Variants in MYO10 observed in about 807,000 individuals in gnomAD.
MYO10 encodes unconventional myosin-X.
Under a neutral mutation model 257.3 loss-of-function variants are expected in MYO10, and 133 were observed. That is an observed-to-expected ratio of 0.52 (90% CI 0.45 to 0.60). The LOEUF (loss-of-function observed/expected upper bound fraction) is 0.60. Among genes scored for constraint, MYO10 ranks in the 20% least tolerant of loss-of-function variants. The pLI, the probability that MYO10 is intolerant of heterozygous loss-of-function variation, is 0.00. For synonymous variants in MYO10, 1,104 were observed against 1,028.6 expected (o/e 1.07, Z -1.40); for missense variants, 2,399 against 2,635.7 (o/e 0.91, Z 1.97).
intron 2 of MYO10, among the ~76,000 whole-genome samples, chr5:16,855,969 T>C (rs760109803): frequency 6.6e-6 from 1 of 152,136 alleles, no homozygotes; most frequent in Admixed American, 6.5e-5. Context: ...ATCTGTAACA[T>C]CCAAACAGCA....
At chr5:16,776,061 A>G (rs1334555729) in intron 9 of MYO10, among the ~76,000 whole-genome samples, 2 of 150,412 alleles carry the variant, frequency 1.3e-5, no homozygotes, top group African/African-American at 4.9e-5. Context: ...ACACCCGGCT[A>G]ATTTTTGTAT....
At chr5:16,789,448 C>A (rs1475132158) in intron 4 of MYO10, among the ~76,000 whole-genome samples, 2 of 152,126 alleles carry the variant, frequency 1.3e-5, no homozygotes, top group Non-Finnish European at 2.9e-5. Flanking sequence ...AAGGTCTTAG[C>A]AAGCCAAACA....
At chr5:16,747,239 C>G (rs1180398503) in intron 19 of MYO10, among the ~76,000 whole-genome samples, 1 of 152,168 alleles carries the variant, frequency 6.6e-6, no homozygotes, top group African/African-American at 2.4e-5. Flanking sequence ...AAAGACACCA[C>G]CCCAATACTG....
At chr5:16,694,344 G>C (rs372376149) in intron 27 of MYO10, 27 bp downstream of exon 27, 3 of 1,612,990 alleles carry the variant, frequency 1.9e-6, no homozygotes, top group Non-Finnish European at 1.7e-6. Context: ...GCAACCCATC[G>C]GGCCACAGCC....
intron 1 of MYO10, among the ~76,000 whole-genome samples, chr5:16,893,980 G>A (rs1055999658): frequency 6.6e-6 from 1 of 152,150 alleles, no homozygotes; most frequent in African/African-American, 2.4e-5. Context: ...CTTAGTGGTG[G>A]CATTGTCATT....
intron 1 of MYO10, among the ~76,000 whole-genome samples, chr5:16,915,626 G>C (rs949211248): frequency 6.6e-6 from 1 of 152,144 alleles, no homozygotes; most frequent in African/African-American, 2.4e-5. Context: ...CATCAACAGT[G>C]GTCTTCAACA....
At chr5:16,745,904 A>G (rs10077298) in intron 19 of MYO10, among the ~76,000 whole-genome samples, 40,430 of 152,056 alleles carry the variant, frequency 0.27, 9,575 homozygotes, top group African/African-American at 0.64. Context: ...TGTGTCTCAG[A>G]CATGCTGTTG....
intron 3 of MYO10, chr5:16,815,241 T>C (rs1218476594): frequency 4.0e-6 from 2 of 500,940 alleles, no homozygotes; most frequent in Non-Finnish European, 3.5e-6. Context: ...ATCCCTTGTG[T>C]GAAATGCCTG....
chr5:16,740,428 G>A (rs1197435593), intron 19 of MYO10, among the ~76,000 whole-genome samples: 1 of 152,130 alleles, frequency 6.6e-6, no homozygotes, highest in African/African-American at 2.4e-5. Flanking sequence ...GGAGGGAAGG[G>A]ATTTGCTCAC....
intron 4 of MYO10, among the ~76,000 whole-genome samples, chr5:16,786,670 G>C (rs1741590883): frequency 2.0e-5 from 3 of 151,982 alleles, no homozygotes; most frequent in Admixed American, 2.0e-4. Context: ...AAAAACATTG[G>C]AAAAAACCTG....
chr5:16,782,564 G>A (rs567916076), intron 5 of MYO10, among the ~76,000 whole-genome samples: 7 of 152,292 alleles, frequency 4.6e-5, no homozygotes, highest in African/African-American at 1.4e-4. Flanking sequence ...CACACATTTA[G>A]TGCTAGGTAT....
At chr5:16,931,792 C>T (rs149309497) in intron 1 of MYO10, among the ~76,000 whole-genome samples, 1 of 152,214 alleles carries the variant, frequency 6.6e-6, no homozygotes, top group South Asian at 2.1e-4. Context: ...ATTGGTGATA[C>T]AAGAAGTCCT....
At chr5:16,894,201 T>C (rs78290177) in intron 1 of MYO10, among the ~76,000 whole-genome samples, 5,363 of 152,280 alleles carry the variant, frequency 0.035, 138 homozygotes, top group African/African-American at 0.066. Context: ...AGTTTCCACC[T>C]AATGTCCTTT....
intron 2 of MYO10, among the ~76,000 whole-genome samples, chr5:16,874,750 T>A (rs1465120214): frequency 6.6e-6 from 1 of 152,196 alleles, no homozygotes; most frequent in Non-Finnish European, 1.5e-5. Flanking sequence ...TTCTGAGACC[T>A]CCAAACTGTT....
In MYO10 at chr5:16,680,006, C is replaced by T. The variant is rs746772002; in HGVS notation, c.4483G>A (p.Val1495Met). Residue 1495 changes from valine (V) to methionine (M), a missense_variant, in exon 33 of 41, where the codon GTG becomes ATG. Transcript: ENST00000513610. The part of the protein sequence containing the change: ...ATRWSSAIQN[V>M]TDTKAPIDTP... ...TCGATCGGGGCCTTGGTGTCAGTCACGTTTTGAATGGCACTGGACCACCGG... is the reference window on the plus strand; with the variant it reads ...TCGATCGGGGCCTTGGTGTCAGTCATGTTTTGAATGGCACTGGACCACCGG... 12 of 1,613,822 alleles carry T rather than the reference C, an allele frequency of 7.4e-6. No individual in the cohort carries two copies. The East Asian group carries it at 1.1e-4, about 15-fold the overall frequency.
chr5:16,681,352 G>A lies in MYO10; in HGVS notation c.4341C>T (p.Leu1447=), dbSNP rs376328821. The change falls in exon 32 of 41, where the codon CTC becomes CTT. Residue 1447 remains leucine, a synonymous_variant. Coordinates refer to ENST00000513610, the MANE Select transcript of MYO10 (RefSeq NM_012334.3). ...LKLGTLVLNS[L]CSVVPPDEKI... ...TCTCATCTGGGGGGACGACAGAGCA[G>A]AGGCTGTTGAGGACCAGGGTCCCCA... The A allele has an allele frequency of 1.2e-6, 2 of 1,613,910 alleles. No homozygotes were observed. Among genetic ancestry groups the A allele is most frequent in the Non-Finnish European group, 1.7e-6 (2 of 1,179,888 alleles).
At chr5:16,766,005 A>G in intron 11 of MYO10, 75 bp downstream of exon 11, 1 of 990,020 alleles carries the variant, frequency 1.0e-6, no homozygotes, top group Non-Finnish European at 1.6e-6. Context: ...ATAATTACAT[A>G]TTTCAATCAA....
chr5:16,702,168 G>C (rs899371056), intron 24 of MYO10, among the ~76,000 whole-genome samples: 1 of 152,306 alleles, frequency 6.6e-6, no homozygotes, highest in Middle Eastern at 3.4e-3. Flanking sequence ...CAAGCCAAGG[G>C]GAGGGGCCTC....
chr5:16,842,450 T>C (rs1201113412), intron 2 of MYO10, among the ~76,000 whole-genome samples: 1 of 152,094 alleles, frequency 6.6e-6, no homozygotes, highest in Admixed American at 6.6e-5. Context: ...AGGGAAGTCA[T>C]ATCCTCACCA....
Sources: gnomAD v4.1 joint callset for allele counts (sites outside exome capture counted in the v4.1 genomes callset) on GRCh38, gnomAD v4.1.1 for gene constraint, MANE v1.5 for transcripts, NCBI Gene and HGNC (gene_info 2026-07-23, HGNC 2026-07-21) for gene names.